KCNJ3: variants seen among roughly 807,000 people sequenced by gnomAD.
The protein encoded by KCNJ3 is G protein-activated inward rectifier potassium channel 1.
A neutral mutation model predicts 39.2 loss-of-function variants in KCNJ3; 4 were observed. The ratio of observed to expected loss-of-function variants is 0.10; its 90% CI spans 0.05 to 0.23. The LOEUF (loss-of-function observed/expected upper bound fraction) is 0.23, where lower values mean the gene tolerates loss of function less well. Among genes scored for constraint, KCNJ3 ranks in the 10% least tolerant of loss-of-function variants. The pLI is 1.00. For synonymous variants in KCNJ3, 230 were observed against 237.4 expected (o/e 0.97, Z 0.29); for missense variants, 276 against 634.9 (o/e 0.43, Z 6.08).
rs557020980 is a variant in KCNJ3, at chr2:154,711,437, T to G, written c.919+1618T>G. On this transcript the variant is annotated intron_variant, in intron 2 of 2. Coordinates refer to ENST00000295101, the MANE Select transcript of KCNJ3 (RefSeq NM_002239.4). ...ATCACTGACATTAATGCATTTTTGC[T>G]TCACTTGACAGCCTTAAAAATGTTT... Among the ~76,000 whole-genome samples the G allele has an allele frequency of 7.2e-5, 11 of 152,266 alleles. No individual in the cohort carries two copies. The Middle Eastern group carries it at 0.01, about 141-fold the overall frequency.
At position 154,855,419 on chromosome 2, in the gene KCNJ3, GT is replaced by G; in HGVS notation, c.*108del. The G allele has an allele frequency of 3.8e-6, 3 of 783,012 alleles. No homozygotes were observed. Among genetic ancestry groups the G allele is most frequent in the Non-Finnish European group, 6.0e-6 (3 of 496,122 alleles). 48.5% of individuals were successfully genotyped at this position (783,012 alleles called of 1,614,324 possible). A position where few individuals can be genotyped will look rare whatever the true frequency, so the allele number is the denominator to read the frequency against. On this transcript the variant is annotated 3_prime_UTR_variant, in exon 3 of 3. Coordinates refer to ENST00000295101, the MANE Select transcript of KCNJ3 (RefSeq NM_002239.4). Reference sequence around the variant, plus strand: ...AATCTGAAAGTATATTTTCCTCCCAGTTCTACAAGCATATTTGAGAACCCTT... The same window carrying G: ...AATCTGAAAGTATATTTTCCTCCCAGTCTACAAGCATATTTGAGAACCCTT...
At chr2:154,818,718 G>C (rs1366355570) in intron 2 of KCNJ3, among the ~76,000 whole-genome samples, 1 of 152,086 alleles carries the variant, frequency 6.6e-6, no homozygotes, top group South Asian at 2.1e-4. Context: ...GTAATGACAA[G>C]AGTATTCAGT....
At chr2:154,822,626 A>G (rs1456086867) in intron 2 of KCNJ3, among the ~76,000 whole-genome samples, 1 of 152,218 alleles carries the variant, frequency 6.6e-6, no homozygotes, top group East Asian at 1.9e-4. Flanking sequence ...TTTGAATTGC[A>G]GTAAACATAC....
chr2:154,790,448 T>G (rs1425891415), intron 2 of KCNJ3, among the ~76,000 whole-genome samples: 2 of 152,048 alleles, frequency 1.3e-5, no homozygotes, highest in African/African-American at 2.4e-5. Context: ...ACATACTTAT[T>G]CTGAATCTGA....
intron 2 of KCNJ3, among the ~76,000 whole-genome samples, chr2:154,839,778 G>T (rs1406515810): frequency 6.6e-6 from 1 of 152,062 alleles, no homozygotes; most frequent in African/African-American, 2.4e-5. Flanking sequence ...TTTTGATGGG[G>T]TTGTTTGTTT....
intron 2 of KCNJ3, among the ~76,000 whole-genome samples, chr2:154,822,784 T>C (rs1201027464): frequency 6.6e-6 from 1 of 151,944 alleles, no homozygotes; most frequent in African/African-American, 2.4e-5. Context: ...GCAGTTGAAT[T>C]CACAGTATAC....
intron 2 of KCNJ3, among the ~76,000 whole-genome samples, chr2:154,775,796 T>C (rs1335238966): frequency 6.6e-6 from 1 of 152,090 alleles, no homozygotes; most frequent in Non-Finnish European, 1.5e-5. Context: ...GGACAAAACC[T>C]TAGACCAAGA....
chr2:154,750,247 A>C (rs1238090975), intron 2 of KCNJ3, among the ~76,000 whole-genome samples: 2 of 152,044 alleles, frequency 1.3e-5, no homozygotes, highest in Non-Finnish European at 2.9e-5. Context: ...ATAATTAATT[A>C]AGTGATTAAC....
At chr2:154,787,179 T>C (rs77354395) in intron 2 of KCNJ3, among the ~76,000 whole-genome samples, 227 of 152,358 alleles carry the variant, frequency 1.5e-3, no homozygotes, top group Non-Finnish European at 2.6e-3. Context: ...TGTGGAATTA[T>C]GGCTCTCTTT....
chr2:154,832,886 C>G (rs529341447), intron 2 of KCNJ3, among the ~76,000 whole-genome samples: 3 of 152,098 alleles, frequency 2.0e-5, no homozygotes, highest in Non-Finnish European at 4.4e-5. Context: ...GGAATAGGTA[C>G]AACAAAACAG....
chr2:154,779,378 A>G (rs569130974), intron 2 of KCNJ3, among the ~76,000 whole-genome samples: 130 of 150,406 alleles, frequency 8.6e-4, no homozygotes, highest in Middle Eastern at 3.5e-3. Flanking sequence ...CTAGCATCCT[A>G]AAGGACTCAA....
chr2:154,786,726 C>T (rs1261423700), intron 2 of KCNJ3, among the ~76,000 whole-genome samples: 1 of 151,972 alleles, frequency 6.6e-6, no homozygotes, highest in Non-Finnish European at 1.5e-5. Flanking sequence ...ATAAAGCTGT[C>T]ACAAAATGAA....
chr2:154,785,160 T>C (rs1447625009), intron 2 of KCNJ3, among the ~76,000 whole-genome samples: 3 of 152,196 alleles, frequency 2.0e-5, no homozygotes, highest in Non-Finnish European at 4.4e-5. Flanking sequence ...AATGTGTAAT[T>C]TCATGTAAAT....
intron 2 of KCNJ3, among the ~76,000 whole-genome samples, chr2:154,763,247 C>T (rs1686075396): frequency 6.6e-6 from 1 of 152,114 alleles, no homozygotes; most frequent in Admixed American, 6.6e-5. Context: ...CCTAATAAGG[C>T]TTAGAAGCTA....
At chr2:154,732,485 A>T (rs1476111976) in intron 2 of KCNJ3, among the ~76,000 whole-genome samples, 1 of 152,122 alleles carries the variant, frequency 6.6e-6, no homozygotes, top group Non-Finnish European at 1.5e-5. Context: ...TTTTGGAAAA[A>T]GACTCAAAAG....
chr2:154,820,075 C>T (rs1687147653), intron 2 of KCNJ3, among the ~76,000 whole-genome samples: 1 of 152,068 alleles, frequency 6.6e-6, no homozygotes, highest in Non-Finnish European at 1.5e-5. Flanking sequence ...TCTTACATAG[C>T]CATAGTGCAA....
chr2:154,818,472 T>G (rs1687117176), intron 2 of KCNJ3, among the ~76,000 whole-genome samples: 1 of 152,154 alleles, frequency 6.6e-6, no homozygotes, highest in South Asian at 2.1e-4. Context: ...TTACTTTGTT[T>G]TATTTAGCAG....
chr2:154,814,173 A>G (rs868153418), intron 2 of KCNJ3, among the ~76,000 whole-genome samples: 14 of 152,212 alleles, frequency 9.2e-5, no homozygotes, highest in Admixed American at 2.0e-4. Context: ...AAATTTAGTA[A>G]CTAATTTTGT....
intron 2 of KCNJ3, among the ~76,000 whole-genome samples, chr2:154,788,784 A>T (rs571159380): frequency 2.4e-4 from 36 of 148,884 alleles, no homozygotes; most frequent in South Asian, 2.1e-3. Flanking sequence ...TTTTTTTTTT[A>T]AAAAGAAACT....
Sources: allele counts gnomAD v4.1 joint callset (sites outside exome capture counted in the v4.1 genomes callset), GRCh38; gene constraint gnomAD v4.1.1; transcripts MANE v1.5; gene names NCBI Gene and HGNC (gene_info 2026-07-23, HGNC 2026-07-21).